MEGF6: variants seen among roughly 807,000 people sequenced by gnomAD.
MEGF6 encodes the protein multiple epidermal growth factor-like domains protein 6.
In MEGF6, 184 loss-of-function variants were observed where a neutral mutation model predicts 207.1. That is an observed-to-expected ratio of 0.89 (90% CI 0.79 to 1.00). The LOEUF is 1.00. Ranked by LOEUF, MEGF6 falls within the 50% of genes least tolerant of loss-of-function variation. The pLI is 0.00. For missense variants in MEGF6, 2,282 were observed against 2,202.9 expected (o/e 1.04, Z -0.72); for synonymous variants, 1,038 against 910.0 (o/e 1.14, Z -2.53).
At chr1:3,576,744 CCCTGCATGCCCAG>C (rs1643654310) in intron 4 of MEGF6, among the ~76,000 whole-genome samples, 1 of 148,942 alleles carries the variant, frequency 6.7e-6, no homozygotes. Context: ...GCACACTCCA[CCCTGCATGCCCAG>C]CCCTGCACAT....
intron 5 of MEGF6, among the ~76,000 whole-genome samples, chr1:3,521,291 G>A (rs1038597837): frequency 4.6e-5 from 7 of 152,186 alleles, no homozygotes; most frequent in Non-Finnish European, 8.8e-5. Flanking sequence ...CACTGAGGCA[G>A]GAAGGTAAGG....
upstream of MEGF6, among the ~76,000 whole-genome samples, chr1:3,614,941 C>G (rs1276648753): frequency 1.3e-5 from 2 of 152,188 alleles, no homozygotes; most frequent in African/African-American, 4.8e-5. Context: ...AGCCCCAGAC[C>G]GTTTAACCTC....
rs1350064634 is a variant in MEGF6, at chr1:3,565,047, C to T, written c.481+14778G>A. Among the ~76,000 whole-genome samples, 1 of 152,174 alleles carries T rather than the reference C, an allele frequency of 6.6e-6. No homozygotes were observed. The highest frequency in any genetic ancestry group is 1.5e-5 in the Non-Finnish European group (1 of 68,038). On this transcript the variant is annotated intron_variant, in intron 4 of 36. Transcript: ENST00000356575. This position sits in a 1 kb window ranked among gnomAD's most constrained non-coding sequence, Gnocchi z 4.8. ...CTGTCCCAGCACCAGGACGCGGACC[C>T]AGGAGGGCAGGGGTTTTGCTGGACT... is the stretch of plus-strand genomic sequence containing the variant.
intron 3 of MEGF6, among the ~76,000 whole-genome samples, chr1:3,589,596 T>C (rs1643944412): frequency 6.6e-6 from 1 of 152,134 alleles, no homozygotes; most frequent in Non-Finnish European, 1.5e-5. Context: ...TCCGTAGCAT[T>C]TCTCACTGGC....
At chr1:3,572,311 GT>G (rs1335027969) in intron 4 of MEGF6, among the ~76,000 whole-genome samples, 1 of 141,682 alleles carries the variant, frequency 7.1e-6, no homozygotes, top group African/African-American at 2.7e-5. Flanking sequence ...TCCTTCCTGG[GT>G]GTGCTGGGTC....
intron 28 of MEGF6, 71 bp from the exon 29 acceptor site, chr1:3,496,854 C>T (rs916850295): frequency 9.2e-6 from 14 of 1,526,424 alleles, no homozygotes; most frequent in Non-Finnish European, 1.2e-5. Context: ...CACAGCAAGG[C>T]AGCTCTCATG....
chr1:3,513,734 A>G (rs1448372800), intron 7 of MEGF6, among the ~76,000 whole-genome samples: 1 of 150,404 alleles, frequency 6.6e-6, no homozygotes, highest in African/African-American at 2.4e-5. Context: ...AGGACTCCAG[A>G]CAGCACCACC....
At chr1:3,500,557 G>A (rs988525776) in intron 21 of MEGF6, 76 bp downstream of exon 21, 6 of 1,471,020 alleles carry the variant, frequency 4.1e-6, no homozygotes, top group Non-Finnish European at 5.4e-6. Context: ...CAAAGGCTTT[G>A]TGTGTGTGCA....
chr1:3,512,987 G>A (rs143569562), intron 7 of MEGF6, among the ~76,000 whole-genome samples: 3,696 of 152,100 alleles, frequency 0.024, 165 homozygotes, highest in African/African-American at 0.085. Context: ...AATAAACGTC[G>A]CCCAGCCATG....
intron 3 of MEGF6, among the ~76,000 whole-genome samples, chr1:3,591,885 C>T (rs1361449898): frequency 6.0e-5 from 9 of 150,640 alleles, no homozygotes; most frequent in African/African-American, 1.5e-4. Context: ...AGCGAGGGGG[C>T]TGGTGGGGGC....
At chr1:3,576,237 CT>C (rs750293138) in intron 4 of MEGF6, among the ~76,000 whole-genome samples, 1 of 152,236 alleles carries the variant, frequency 6.6e-6, no homozygotes, top group Non-Finnish European at 1.5e-5. Flanking sequence ...CCCGCTGCTT[CT>C]GCGGAAGGGC....
At chr1:3,550,900 G>A (rs962189177) in intron 4 of MEGF6, among the ~76,000 whole-genome samples, 6 of 152,256 alleles carry the variant, frequency 3.9e-5, no homozygotes, top group Non-Finnish European at 7.3e-5. Flanking sequence ...GACCCTAACG[G>A]GTGTGACAGT....
chr1:3,524,349 T>G, intron 4 of MEGF6, 103 bp from the exon 5 acceptor site: 1 of 1,471,094 alleles, frequency 6.8e-7, no homozygotes, highest in South Asian at 1.3e-5. Flanking sequence ...GTCCCTCCCG[T>G]GCCTCGAGGG....
Position 3,497,192 on chromosome 1 carries a change from T to C in MEGF6, c.3481+41A>G, listed in dbSNP as rs915672002. 6 of 1,526,924 alleles carry C rather than the reference T, an allele frequency of 3.9e-6. No homozygotes were observed. In the Admixed American group the frequency reaches 8.2e-5, roughly 21 times the overall value. 94.6% of individuals were successfully genotyped at this position (1,526,924 alleles called of 1,614,324 possible). The stretch of plus-strand genomic sequence containing the variant: ...ACAGGCAGCCTCTCTGGATTCCCCC[T>C]GCCCAGCCGCTCCTCGGGGTGGGGG... On this transcript the variant is annotated intron_variant, in intron 27 of 36. Transcript: ENST00000356575.
At position 3,610,986 on chromosome 1, in the gene MEGF6, T is replaced by C. The variant is rs935937770; in HGVS notation, c.131+152A>G. 9 of 1,054,826 alleles carry C rather than the reference T, an allele frequency of 8.5e-6. No homozygotes were observed. In the South Asian group the frequency reaches 1.8e-4, roughly 21 times the overall value. The allele number at this position is 1,054,826 out of a possible 1,614,324, so 65.3% of individuals were successfully genotyped here. A position where few individuals can be genotyped will look rare whatever the true frequency, so the allele number is the denominator to read the frequency against. On this transcript the variant is annotated intron_variant, in intron 1 of 36. Coordinates refer to ENST00000356575, the MANE Select transcript of MEGF6 (RefSeq NM_001409.4). ...GGCCCCAGACTCGACCCTGGAGCCCTGTGTCTCAGCCACCTCCTCCCCAGT... is the reference window on the plus strand; with the variant it reads ...GGCCCCAGACTCGACCCTGGAGCCCCGTGTCTCAGCCACCTCCTCCCCAGT...
At chr1:3,490,717 G>GCCCACCCATCCTTCCCAGCCTAC (rs1460836355) in intron 36 of MEGF6, 128 bp from the exon 37 acceptor site, 214 of 1,140,728 alleles carry the variant, frequency 1.9e-4, no homozygotes, top group Middle Eastern at 2.7e-4. Context: ...GGTGGGTGGG[G>GCCCACCCATCCTTCCCAGCCTAC]CCCACCCATC....
chr1:3,574,257 A>G (rs891448573), intron 4 of MEGF6, among the ~76,000 whole-genome samples: 2 of 151,790 alleles, frequency 1.3e-5, no homozygotes, highest in Non-Finnish European at 2.9e-5. Context: ...TCTCACCGAG[A>G]GAGGCCGAGG....
intron 5 of MEGF6, among the ~76,000 whole-genome samples, chr1:3,523,639 T>C (rs1266934475): frequency 6.6e-6 from 1 of 152,066 alleles, no homozygotes; most frequent in Non-Finnish European, 1.5e-5. Context: ...GGGCGAAGGG[T>C]GTCCTCACGC....
At chr1:3,519,974 GA>G (rs1641683647) in intron 5 of MEGF6, among the ~76,000 whole-genome samples, 1 of 152,230 alleles carries the variant, frequency 6.6e-6, no homozygotes, top group African/African-American at 2.4e-5. Flanking sequence ...GGGACACAGG[GA>G]GGGGATGGCC....
Sources: gnomAD v4.1 joint callset for allele counts (sites outside exome capture counted in the v4.1 genomes callset) on GRCh38, gnomAD v4.1.1 for gene constraint, Gnocchi (gnomAD v3.1) non-coding constraint, MANE v1.5 for transcripts, NCBI Gene and HGNC (gene_info 2026-07-23, HGNC 2026-07-21) for gene names.